The following ANGEL1 variants were observed in gnomAD, a reference collection of about 807,000 sequenced individuals.
The protein encoded by ANGEL1 is RNA 2',3'-cyclic phosphatase ANGEL1.
In ANGEL1, 62 loss-of-function variants were observed where a neutral mutation model predicts 76.4. The ratio of observed to expected loss-of-function variants is 0.81; its 90% CI spans 0.66 to 1.00. The LOEUF is 1.00. Among genes scored for constraint, ANGEL1 ranks in the 50% least tolerant of loss-of-function variants. The pLI, the probability that ANGEL1 is intolerant of heterozygous loss-of-function variation, is 0.00. For synonymous variants in ANGEL1, 340 were observed against 331.7 expected (o/e 1.03, Z -0.27); for missense variants, 737 against 836.7 (o/e 0.88, Z 1.47).
intron 7 of ANGEL1, among the ~76,000 whole-genome samples, chr14:76,802,679 T>TG (rs1262471226): frequency 2.7e-5 from 4 of 148,346 alleles, no homozygotes; most frequent in South Asian, 2.1e-4. Context: ...CTACTCTTGT[T>TG]GAAAAAAAAA....
In ANGEL1 at chr14:76,803,647, C is replaced by A. The variant is rs1196504447; in HGVS notation, c.1507+139G>T. 4 of 1,392,542 alleles carry A rather than the reference C, an allele frequency of 2.9e-6. No homozygotes were observed. In the Admixed American group the frequency reaches 6.5e-5, roughly 23 times the overall value. The allele number at this position is 1,392,542 out of a possible 1,614,324, so 86.3% of individuals were successfully genotyped here. ...TAAAGTTGTCCATTTCATTGGACAG[C>A]CATTGGGAGGATAGTGAGAAAACAG... is the stretch of plus-strand genomic sequence containing the variant. On this transcript the variant is annotated intron_variant, in intron 6 of 9. Coordinates refer to ENST00000251089, the MANE Select transcript of ANGEL1 (RefSeq NM_015305.4).
chr14:76,806,396 C>T lies in ANGEL1; in HGVS notation c.1380+20G>A, dbSNP rs988814196. 8.7e-6 allele frequency: 14 copies of T among 1,600,402 alleles called. No individual in the cohort carries two copies. The South Asian group carries it at 9.0e-5, about 10-fold the overall frequency. ...TCTTAGACCATGTTCCCACCCACAC[C>T]GTGGCCTCTCCCATTTCACCTTCCA... On this transcript the variant is annotated intron_variant, in intron 5 of 9. Coordinates refer to ENST00000251089, the MANE Select transcript of ANGEL1 (RefSeq NM_015305.4).
At position 76,806,428 on chromosome 14, in the gene ANGEL1, C is replaced by T; in HGVS notation, c.1368G>A (p.Met456Ile). 1 of 1,609,854 alleles carries T rather than the reference C, an allele frequency of 6.2e-7. No individual in the cohort carries two copies. The highest frequency in any genetic ancestry group is 8.5e-7 in the Non-Finnish European group (1 of 1,176,522). The part of the protein sequence containing the change: ...IRDGELQYHG[M>I]PAWKVSGQED... ...TCTCCCATTTCACCTTCCAGGCTGG[C>T]ATCCCATGGTACTGGAGCTCTCCAT... Residue 456 changes from methionine (M) to isoleucine (I), a missense_variant, in exon 5 of 10, where the codon ATG (methionine) becomes ATA (isoleucine). This residue lies in a region of ANGEL1 where 296 missense variants were observed against 387.2 expected (regional missense o/e 0.76). Coordinates refer to ENST00000251089, the MANE Select transcript of ANGEL1 (RefSeq NM_015305.4).
At chr14:76,805,463 C>T (rs1278462512) in intron 5 of ANGEL1, among the ~76,000 whole-genome samples, 1 of 152,168 alleles carries the variant, frequency 6.6e-6, no homozygotes, top group Non-Finnish European at 1.5e-5. Context: ...CCCATGTGCG[C>T]AACAGTAATA....
chr14:76,804,024 T>G, intron 5 of ANGEL1, 112 bp from the exon 6 acceptor site: 1 of 1,605,876 alleles, frequency 6.2e-7, no homozygotes, highest in Non-Finnish European at 8.5e-7. Context: ...ACACACTACG[T>G]ACATGGTATA....
intron 8 of ANGEL1, among the ~76,000 whole-genome samples, chr14:76,791,035 C>G (rs1894390629): frequency 6.6e-6 from 1 of 152,148 alleles, no homozygotes; most frequent in Admixed American, 6.5e-5. Context: ...CAATGTACCC[C>G]TGTCTGGGGC....
At position 76,807,441 on chromosome 14, in the gene ANGEL1, C is replaced by T. The variant is rs763063847; in HGVS notation, c.938G>A (p.Arg313Gln). 8.7e-6 allele frequency: 14 copies of T among 1,612,036 alleles called. No individual in the cohort carries two copies. The South Asian group carries it at 9.9e-5, about 11-fold the overall frequency. The change falls in exon 4 of 10, where the codon CGA becomes CAA. Residue 313 changes from arginine to glutamine, a missense_variant. Arg to Gln is a conservative substitution (Grantham distance 43). Around this residue, in one of 2 missense-constraint regions of ANGEL1, gnomAD observed 441 missense variants for 449.5 expected, o/e 0.98. Coordinates refer to ENST00000251089, the MANE Select transcript of ANGEL1 (RefSeq NM_015305.4). Reference sequence around the variant, plus strand: ...CCAGGGAGCTGCATTACCCATCATTCGCAGAGAGGGTTCCAGCTGCTCCCA... The same window carrying T: ...CCAGGGAGCTGCATTACCCATCATTTGCAGAGAGGGTTCCAGCTGCTCCCA... ...HYWEQLEPSL[R>Q]MMGFTCFYKR...
intron 7 of ANGEL1, among the ~76,000 whole-genome samples, chr14:76,794,458 T>A (rs180716673): frequency 2.8e-4 from 42 of 152,044 alleles, no homozygotes; most frequent in African/African-American, 9.6e-4. Context: ...CATCATGAGG[T>A]CAGGAGATCG....
rs1350561262 is a variant in ANGEL1 at position 76,806,740 on chromosome 14, G to T, written c.1056C>A (p.Phe352Leu). ...RLLCASPVEY[F>L]RPGLELLNRD... Reference sequence around the variant, plus strand: ...GATTAAGTAGCTCCAAGCCAGGCCGGAAGTACTCCACAGGGCTAGCACAGA... The same window carrying T: ...GATTAAGTAGCTCCAAGCCAGGCCGTAAGTACTCCACAGGGCTAGCACAGA... The change falls in exon 5 of 10, where the codon TTC (phenylalanine) becomes TTA (leucine). Residue 352 changes from phenylalanine to leucine, a missense_variant. Phe to Leu is a conservative substitution (Grantham distance 22). Transcript: ENST00000251089. 1 of 1,614,142 alleles carries T rather than the reference G, an allele frequency of 6.2e-7. No homozygotes were observed. Among genetic ancestry groups the T allele is most frequent in the Non-Finnish European group, 8.5e-7 (1 of 1,180,044 alleles).
At position 76,809,568 on chromosome 14, in the gene ANGEL1, A is replaced by AT. The variant is rs776363048; in HGVS notation, c.139dup (p.Met47AsnfsTer7). The AT allele has an allele frequency of 1.2e-6, 2 of 1,614,206 alleles. No homozygotes were observed. The highest frequency in any genetic ancestry group is 1.7e-6 in the Non-Finnish European group (2 of 1,180,040). ...CTCCTGCTCAGGGCCCCGAGGGGCC[A>AT]TGGCAAAGTCGCCCTCTACCTGGGG... On this transcript the variant is annotated frameshift_variant, in exon 2 of 10. Transcript: ENST00000251089. LOFTEE classifies it high-confidence loss of function.
chr14:76,796,173 T>C (rs1390945109), intron 7 of ANGEL1, among the ~76,000 whole-genome samples: 1 of 152,082 alleles, frequency 6.6e-6, no homozygotes, highest in Admixed American at 6.5e-5. Context: ...ATTTTCTAGA[T>C]ATTCCACAAT....
At chr14:76,791,413 A>AACC (rs776075797) in intron 7 of ANGEL1, 47 bp from the exon 8 acceptor site, 3 of 1,574,248 alleles carry the variant, frequency 1.9e-6, no homozygotes, top group South Asian at 2.2e-5. Flanking sequence ...ACAGACAGTG[A>AACC]AGCAGGATCA....
At position 76,786,144 on chromosome 14, in the gene ANGEL1, TTTTC is replaced by T. The variant is rs1166832581; in HGVS notation, c.*3080_*3083del. ...ATGATGTTTCTAATTCCTAGCTGAG[TTTTC>T]TTTCTTTTCTTTTCTTTTCTTTTTT... On this transcript the variant is annotated 3_prime_UTR_variant, in exon 10 of 10. Transcript: ENST00000251089. The T allele has an allele frequency of 2.6e-5, 4 of 153,366 alleles. No individual in the cohort carries two copies. The highest frequency in any genetic ancestry group is 1.9e-4 in the East Asian group (1 of 5,314). 9.5% of individuals were successfully genotyped at this position (153,366 alleles called of 1,614,324 possible).
intron 6 of ANGEL1, 140 bp downstream of exon 6, chr14:76,803,646 G>C: frequency 7.2e-7 from 1 of 1,380,302 alleles, no homozygotes; most frequent in Non-Finnish European, 9.9e-7. Context: ...TCATTGGACA[G>C]CCATTGGGAG....
rs147462595 is a variant in ANGEL1, at chr14:76,799,601, G to T, written c.1618+3770C>A. 5.3e-3 allele frequency among the ~76,000 whole-genome samples: 810 copies of T among 152,092 alleles called. 6 individuals are homozygous for T. The highest frequency in any genetic ancestry group is 0.019 in the African/African-American group (785 of 41,508). On this transcript the variant is annotated intron_variant, in intron 7 of 9. Coordinates refer to ENST00000251089, the MANE Select transcript of ANGEL1 (RefSeq NM_015305.4). Reference sequence around the variant, plus strand: ...AGCCACCGCGCCCGGCCCATTCATGGCCCTTTTAAAATAAAGATAGTTGGC... The same window carrying T: ...AGCCACCGCGCCCGGCCCATTCATGTCCCTTTTAAAATAAAGATAGTTGGC...
At chr14:76,806,933 A>G (rs1894936888) in intron 4 of ANGEL1, 84 bp from the exon 5 acceptor site, 14 of 1,424,342 alleles carry the variant, frequency 9.8e-6, no homozygotes, top group Non-Finnish European at 1.2e-5. Flanking sequence ...GTCCCAGTGT[A>G]TGCCCCTGAG....
Position 76,807,943 on chromosome 14 carries a change from T to G in ANGEL1, c.855A>C (p.Glu285Asp), listed in dbSNP as rs758031452. 6.2e-7 allele frequency: 1 copy of G among 1,614,036 alleles called. No homozygotes were observed. Among genetic ancestry groups the G allele is most frequent in the African/African-American group, 1.3e-5 (1 of 75,068 alleles). ...WNYRFVNLMQ[E>D]FQHWDPDILC... ...TCACATCAGGGTCCCAGTGCTGGAATTCCTGCATGAGGTTCACGAAGCGAT... is the reference window on the plus strand; with the variant it reads ...TCACATCAGGGTCCCAGTGCTGGAAGTCCTGCATGAGGTTCACGAAGCGAT... Residue 285 changes from glutamate to aspartate, a missense_variant, in exon 3 of 10, where the codon GAA becomes GAC. Physicochemically the swap from Glu to Asp is conservative, Grantham distance 45 (BLOSUM62 2). Around this residue, in one of 2 missense-constraint regions of ANGEL1, gnomAD observed 441 missense variants for 449.5 expected, o/e 0.98. Transcript: ENST00000251089.
intron 9 of ANGEL1, among the ~76,000 whole-genome samples, chr14:76,790,239 T>C (rs967217085): frequency 2.0e-5 from 3 of 152,146 alleles, no homozygotes; most frequent in African/African-American, 4.8e-5. Flanking sequence ...GCTGGGAGAT[T>C]GCTATACTGT....
At position 76,789,304 on chromosome 14, in the gene ANGEL1, C is replaced by A. The variant is rs1197926177; in HGVS notation, c.1937G>T (p.Gly646Val). 18 of 1,614,194 alleles carry A rather than the reference C, an allele frequency of 1.1e-5. No homozygotes were observed. ...TGAAGAGCAGAAGGGGTTGGGTAAG[C>A]CATTGGCAGCCCAGAGTATCTCTTC... Reference protein sequence around the residue: ...LSEEILWAANGLPNPFCSSDH... With the variant: ...LSEEILWAANVLPNPFCSSDH... The change falls in exon 10 of 10, where the codon GGC becomes GTC. Residue 646 changes from glycine to valine, a missense_variant. Gly to Val is a moderately radical substitution (Grantham distance 109). Around this residue, in one of 2 missense-constraint regions of ANGEL1, gnomAD observed 296 missense variants for 387.2 expected, o/e 0.76. Transcript: ENST00000251089.
Sources: allele counts gnomAD v4.1 joint callset (sites outside exome capture counted in the v4.1 genomes callset), GRCh38; gene constraint gnomAD v4.1.1; regional missense constraint gnomAD v4.1.1; transcripts MANE v1.5; gene names NCBI Gene and HGNC (gene_info 2026-07-23, HGNC 2026-07-21).